Variants in LRBA observed in about 807,000 individuals in gnomAD.
LRBA encodes LPS responsive beige-like anchor protein.
LRBA carries 176 observed loss-of-function variants against 330.0 expected under a neutral mutation model. The observed-to-expected ratio is 0.53, with a 90% CI of 0.47 to 0.60. The LOEUF (loss-of-function observed/expected upper bound fraction) is 0.60, where lower values mean the gene tolerates loss of function less well. LRBA is among the 20% of genes least tolerant of loss of function. The pLI is 0.00. For synonymous variants in LRBA, 1,230 were observed against 1,193.0 expected, an observed-to-expected ratio of 1.03 and a Z score of -0.64; for missense variants, 3,259 against 3,444.8, an observed-to-expected ratio of 0.95 and a Z score of 1.35.
chr4:150,828,225 C>A lies in LRBA; in HGVS notation c.5126G>T (p.Gly1709Val). 1 of 1,614,090 alleles carries A rather than the reference C, an allele frequency of 6.2e-7. No individual in the cohort carries two copies. Among genetic ancestry groups the A allele is most frequent in the East Asian group, 2.2e-5 (1 of 44,888 alleles). Residue 1709 changes from glycine to valine, a missense_variant, in exon 30 of 57, where the codon GGT becomes GTT. Gly to Val is a moderately radical substitution (Grantham distance 109, BLOSUM62 -3). Coordinates refer to ENST00000651943, the MANE Select transcript of LRBA (RefSeq NM_001364905.1). Reference protein sequence around the residue: ...LLPPACLGALGDLSVEQPVQF... With the variant: ...LLPPACLGALVDLSVEQPVQF... ...CACGGGTTGTTCCACAGATAGATCA[C>A]CAAGGGCTCCAAGGCAGGCTGGTGG...
chr4:150,313,737 T>G (rs1307844613), intron 51 of LRBA, among the ~76,000 whole-genome samples: 5 of 151,550 alleles, frequency 3.3e-5, no homozygotes, highest in Non-Finnish European at 7.4e-5. Context: ...GATTTCAGAT[T>G]TTTTTTTCAG....
At chr4:150,646,497 T>A (rs1426467449) in intron 37 of LRBA, among the ~76,000 whole-genome samples, 3 of 151,974 alleles carry the variant, frequency 2.0e-5, no homozygotes. Context: ...TTTTGAAACG[T>A]TGGAAATGAA....
Position 150,348,819 on chromosome 4 carries a change from G to C in LRBA, c.7362+1173C>G, listed in dbSNP as rs1006857015. On this transcript the variant is annotated intron_variant, in intron 48 of 56. Coordinates refer to ENST00000651943, the MANE Select transcript of LRBA (RefSeq NM_001364905.1). ...TATTTTATCCCAACAATAAAACTAT[G>C]CAGTGTTTTGTAACACTACCTGTAT... Among the ~76,000 whole-genome samples, 25 of 152,236 alleles carry C rather than the reference G, an allele frequency of 1.6e-4. No individual in the cohort carries two copies. The South Asian group carries it at 1.7e-3, about 10-fold the overall frequency.
chr4:150,975,183 A>G (rs891584612), intron 2 of LRBA, among the ~76,000 whole-genome samples: 5 of 152,244 alleles, frequency 3.3e-5, no homozygotes, highest in African/African-American at 7.2e-5. Context: ...ATTACCATGG[A>G]AAGAGTTTAA....
intron 53 of LRBA, among the ~76,000 whole-genome samples, chr4:150,297,189 T>C (rs767441910): frequency 3.9e-5 from 6 of 152,202 alleles, no homozygotes; most frequent in African/African-American, 1.2e-4. Flanking sequence ...TACAGTCATT[T>C]TTCTCTGCAA....
Position 150,782,980 on chromosome 4 carries a change from A to T in LRBA, c.5580+15101T>A, listed in dbSNP as rs191928015. On this transcript the variant is annotated intron_variant, in intron 34 of 56. Transcript: ENST00000651943. ...GCTCCAAGTGTTGGTTCTAATAATGACTGCATTGTGACTGGTTTTGTTTTC... is the reference window on the plus strand; with the variant it reads ...GCTCCAAGTGTTGGTTCTAATAATGTCTGCATTGTGACTGGTTTTGTTTTC... 6.6e-5 allele frequency among the ~76,000 whole-genome samples: 10 copies of T among 152,290 alleles called. 1 individual carries two copies. The East Asian group carries it at 1.7e-3, about 26-fold the overall frequency.
At chr4:150,548,602 AT>A (rs1766158457) in intron 40 of LRBA, among the ~76,000 whole-genome samples, 1 of 152,140 alleles carries the variant, frequency 6.6e-6, no homozygotes, top group Non-Finnish European at 1.5e-5. Context: ...AATATTAGTT[AT>A]TTACCTAATG....
intron 44 of LRBA, among the ~76,000 whole-genome samples, chr4:150,452,748 T>C (rs1753531273): frequency 6.6e-6 from 1 of 152,136 alleles, no homozygotes; most frequent in African/African-American, 2.4e-5. Flanking sequence ...GACAAGGCAC[T>C]CTCAGTACTT....
At chr4:150,429,269 C>T (rs1054144015) in intron 46 of LRBA, among the ~76,000 whole-genome samples, 29 of 151,844 alleles carry the variant, frequency 1.9e-4, no homozygotes, top group African/African-American at 7.0e-4. Flanking sequence ...AGAATGAGTT[C>T]TTAAAGATAA....
intron 9 of LRBA, among the ~76,000 whole-genome samples, chr4:150,910,454 TCA>T (rs899976280): frequency 6.6e-5 from 10 of 152,188 alleles, no homozygotes; most frequent in Non-Finnish European, 1.3e-4. Context: ...TGGCCTTGCC[TCA>T]CTTGTCAAAG....
intron 53 of LRBA, among the ~76,000 whole-genome samples, chr4:150,296,903 C>A (rs963531135): frequency 4.6e-5 from 7 of 151,820 alleles, no homozygotes; most frequent in Non-Finnish European, 1.0e-4. Context: ...GGACCACCCC[C>A]CCGCGCCCAC....
chr4:150,925,714 G>C (rs1733811539), intron 4 of LRBA, among the ~76,000 whole-genome samples: 1 of 151,872 alleles, frequency 6.6e-6, no homozygotes, highest in Admixed American at 6.6e-5. Context: ...ATAAATATTA[G>C]TTCATATTAT....
At chr4:151,014,325 A>G in intron 2 of LRBA, 102 bp downstream of exon 2, 1 of 861,992 alleles carries the variant, frequency 1.2e-6, no homozygotes. Context: ...TACACGAAAA[A>G]AGTCACCATC....
intron 35 of LRBA, among the ~76,000 whole-genome samples, chr4:150,740,163 A>T (rs149093331): frequency 2.6e-3 from 403 of 152,322 alleles, no homozygotes; most frequent in African/African-American, 9.3e-3. Context: ...ACATAGTAAA[A>T]ACAATGTGCC....
chr4:150,654,112 A>T (rs1258044729), intron 37 of LRBA, among the ~76,000 whole-genome samples: 2 of 152,224 alleles, frequency 1.3e-5, no homozygotes, highest in East Asian at 1.9e-4. Context: ...TGATTTAAAA[A>T]TTTTTAATTC....
chr4:150,501,937 T>G (rs1238569959), intron 40 of LRBA, among the ~76,000 whole-genome samples: 2 of 152,196 alleles, frequency 1.3e-5, no homozygotes, highest in Non-Finnish European at 2.9e-5. Context: ...TGGAAAGACT[T>G]TGCAGGGCCC....
intron 36 of LRBA, among the ~76,000 whole-genome samples, chr4:150,688,836 C>T (rs1204025559): frequency 6.6e-6 from 1 of 152,182 alleles, no homozygotes; most frequent in Admixed American, 6.5e-5. Flanking sequence ...AATAGGAACG[C>T]TTTTACACTG....
At chr4:150,625,824 C>G (rs1581849316) in intron 37 of LRBA, among the ~76,000 whole-genome samples, 1 of 151,892 alleles carries the variant, frequency 6.6e-6, no homozygotes, top group Non-Finnish European at 1.5e-5. Context: ...ATTCTCCTGT[C>G]TCAGCCTGCC....
At chr4:150,351,411 C>T (rs1207521033) in intron 47 of LRBA, among the ~76,000 whole-genome samples, 2 of 151,978 alleles carry the variant, frequency 1.3e-5, no homozygotes, top group Admixed American at 6.6e-5. Flanking sequence ...TACAGTAGGC[C>T]GGGCACGGTG....
Sources: allele counts gnomAD v4.1 joint callset (sites outside exome capture counted in the v4.1 genomes callset), GRCh38; gene constraint gnomAD v4.1.1; transcripts MANE v1.5; gene names NCBI Gene and HGNC (gene_info 2026-07-23, HGNC 2026-07-21).